Variants in VGLL4 observed in about 807,000 individuals in gnomAD.
VGLL4 encodes the protein vestigial like family member 4, also known as transcription cofactor vestigial-like protein 4.
Under a neutral mutation model 21.0 loss-of-function variants are expected in VGLL4, and 7 were observed. That is an observed-to-expected ratio of 0.33 (90% confidence interval 0.19 to 0.63). The LOEUF is 0.63. VGLL4 is among the 20% of genes least tolerant of loss of function. The probability of loss-of-function intolerance (pLI) is 0.78; values close to 1 mark genes in which losing one functional copy is unlikely to be tolerated. For synonymous variants in VGLL4, 222 were observed against 173.2 expected (o/e 1.28, Z -2.21); for missense variants, 394 against 425.7 (o/e 0.93, Z 0.66).
At chr3:11,685,742 G>A (rs886229306) in intron 2 of VGLL4, among the ~76,000 whole-genome samples, 6 of 152,098 alleles carry the variant, frequency 3.9e-5, no homozygotes, top group Non-Finnish European at 8.8e-5. Flanking sequence ...CTCAACAACA[G>A]AAAGACAACA....
intron 1 of VGLL4, among the ~76,000 whole-genome samples, chr3:11,625,847 G>A (rs1246002784): frequency 6.6e-6 from 1 of 152,012 alleles, no homozygotes; most frequent in African/African-American, 2.4e-5. Flanking sequence ...AGAATAAGCA[G>A]ATCTATATAG....
At chr3:11,659,326 C>CTTTTT (rs5846714) in intron 2 of VGLL4, among the ~76,000 whole-genome samples, 33 of 70,786 alleles carry the variant, frequency 4.7e-4, no homozygotes, top group South Asian at 1.3e-3. Flanking sequence ...TTTTCTTTTT[C>CTTTTT]TTTTTTTTTT....
chr3:11,612,078 G>A (rs182281598), intron 1 of VGLL4: 2 of 152,202 alleles, frequency 1.3e-5, no homozygotes, highest in African/African-American at 4.8e-5. Flanking sequence ...AAGAAATTAT[G>A]TCTATAATTC....
At chr3:11,682,570 T>A (rs555951703) in intron 2 of VGLL4, among the ~76,000 whole-genome samples, 1 of 152,240 alleles carries the variant, frequency 6.6e-6, no homozygotes, top group African/African-American at 2.4e-5. Context: ...AGAGTGAGAC[T>A]TTCTCCGATG....
chr3:11,571,412 AG>A (rs2125167503), intron 2 of VGLL4, among the ~76,000 whole-genome samples: 1 of 152,322 alleles, frequency 6.6e-6, no homozygotes, highest in South Asian at 2.1e-4. Context: ...GGCCAGGTGC[AG>A]TGACTCACGC....
intron 2 of VGLL4, among the ~76,000 whole-genome samples, chr3:11,670,475 G>A (rs575307708): frequency 6.6e-6 from 1 of 152,258 alleles, no homozygotes; most frequent in South Asian, 2.1e-4. Flanking sequence ...GCCCTTTTGG[G>A]AGGTATGCAC....
At chr3:11,714,642 T>C (rs1303073096) in intron 1 of VGLL4, among the ~76,000 whole-genome samples, 1 of 152,114 alleles carries the variant, frequency 6.6e-6, no homozygotes, top group Non-Finnish European at 1.5e-5. Context: ...TCTCTCTTCA[T>C]TTTCAAGACC....
intron 2 of VGLL4, among the ~76,000 whole-genome samples, chr3:11,689,329 G>A (rs753356541): frequency 3.9e-5 from 6 of 152,142 alleles, no homozygotes; most frequent in African/African-American, 7.2e-5. Context: ...TCCTCGTCCC[G>A]CTTCCTATCT....
intron 1 of VGLL4, among the ~76,000 whole-genome samples, chr3:11,622,761 C>A (rs571970587): frequency 6.6e-6 from 1 of 152,276 alleles, no homozygotes; most frequent in African/African-American, 2.4e-5. Flanking sequence ...CTTTGTCAGT[C>A]TCACTTCAAT....
chr3:11,667,986 TG>T (rs1351079308), intron 2 of VGLL4, among the ~76,000 whole-genome samples: 2 of 150,648 alleles, frequency 1.3e-5, no homozygotes, highest in African/African-American at 4.9e-5. Flanking sequence ...CCCAAGTAGG[TG>T]GGATTACAGG....
chr3:11,672,697 C>A (rs149402819), intron 2 of VGLL4, among the ~76,000 whole-genome samples: 1 of 152,152 alleles, frequency 6.6e-6, no homozygotes, highest in South Asian at 2.1e-4. Flanking sequence ...CACGGAGAAC[C>A]GGTAACTTGC....
intron 3 of VGLL4, among the ~76,000 whole-genome samples, chr3:11,561,539 C>A (rs1237504565): frequency 1.3e-5 from 2 of 152,326 alleles, no homozygotes; most frequent in Non-Finnish European, 2.9e-5. Flanking sequence ...CTCCACCACC[C>A]CTCCTCCCCA....
chr3:11,558,545 A>C lies in VGLL4; in HGVS notation c.*11T>G, dbSNP rs776006826. Reference sequence around the variant, plus strand: ...ATGCAGATCCACGTGTTGTTGGAGGAGGCGCTCCCTTCAGGAGACCACAGA... The same window carrying C: ...ATGCAGATCCACGTGTTGTTGGAGGCGGCGCTCCCTTCAGGAGACCACAGA... On this transcript the variant is annotated 3_prime_UTR_variant, in exon 5 of 5. Coordinates refer to ENST00000430365, the MANE Select transcript of VGLL4 (RefSeq NM_001128219.3). 5.7e-5 allele frequency: 81 copies of C among 1,411,868 alleles called. No individual in the cohort carries two copies. The East Asian group carries it at 7.3e-4, about 13-fold the overall frequency. 87.5% of individuals were successfully genotyped at this position (1,411,868 alleles called of 1,614,324 possible).
At chr3:11,622,865 G>A (rs551146841) in intron 1 of VGLL4, among the ~76,000 whole-genome samples, 1 of 152,348 alleles carries the variant, frequency 6.6e-6, no homozygotes, top group Non-Finnish European at 1.5e-5. Flanking sequence ...ATGTAACTGA[G>A]AGGCTTCCAT....
chr3:11,627,595 C>CAAA (rs57607183), intron 1 of VGLL4, among the ~76,000 whole-genome samples: 5 of 118,814 alleles, frequency 4.2e-5, no homozygotes, highest in Admixed American at 8.8e-5. Flanking sequence ...AACTTCATCT[C>CAAA]AAAAAAAAAA....
intron 2 of VGLL4, among the ~76,000 whole-genome samples, chr3:11,701,766 G>C (rs1448838072): frequency 3.3e-5 from 5 of 152,238 alleles, no homozygotes; most frequent in African/African-American, 1.2e-4. Context: ...AAACTGGAAA[G>C]AGCTCATCTT....
intron 2 of VGLL4, among the ~76,000 whole-genome samples, chr3:11,664,616 T>C (rs532282434): frequency 6.6e-6 from 1 of 152,280 alleles, no homozygotes; most frequent in East Asian, 1.9e-4. Context: ...CAGGGCTGAA[T>C]AACGTGGGAC....
chr3:11,666,526 C>A (rs2076129580), intron 2 of VGLL4, among the ~76,000 whole-genome samples: 2 of 152,156 alleles, frequency 1.3e-5, no homozygotes, highest in South Asian at 4.2e-4. Flanking sequence ...GGGTGCTAGT[C>A]ACAGTGATGG....
intron 2 of VGLL4, among the ~76,000 whole-genome samples, chr3:11,669,718 A>G (rs1416336690): frequency 6.6e-6 from 1 of 151,966 alleles, no homozygotes; most frequent in Non-Finnish European, 1.5e-5. Context: ...ATCGCTCTAT[A>G]GCCCAGGCTG....
Sources: allele counts gnomAD v4.1 joint callset (sites outside exome capture counted in the v4.1 genomes callset), GRCh38; gene constraint gnomAD v4.1.1; transcripts MANE v1.5; gene names NCBI Gene and HGNC (gene_info 2026-07-23, HGNC 2026-07-21).